Variants in PER3 observed in about 807,000 individuals in gnomAD.
PER3 encodes the protein period circadian protein homolog 3.
In PER3, 107 loss-of-function variants were observed where a neutral mutation model predicts 127.2. The ratio of observed to expected loss-of-function variants is 0.84; its 90% CI spans 0.72 to 0.99. The LOEUF (loss-of-function observed/expected upper bound fraction) is 0.99, where lower values mean the gene tolerates loss of function less well. Among genes scored for constraint, PER3 ranks in the 50% least tolerant of loss-of-function variants. The pLI, the probability that PER3 is intolerant of heterozygous loss-of-function variation, is 0.00. For synonymous variants in PER3, 618 were observed against 585.8 expected (o/e 1.05, Z -0.79); for missense variants, 1,560 against 1,525.8 (o/e 1.02, Z -0.37).
At chr1:7,828,724 TA>T (rs1259464353) in intron 18 of PER3, among the ~76,000 whole-genome samples, 1 of 152,198 alleles carries the variant, frequency 6.6e-6, no homozygotes, top group Non-Finnish European at 1.5e-5. Context: ...ACAAGTTATT[TA>T]ACCTTTCTTT....
intron 19 of PER3, among the ~76,000 whole-genome samples, chr1:7,834,233 A>T (rs2151244547): frequency 6.6e-6 from 1 of 151,458 alleles, no homozygotes; most frequent in Non-Finnish European, 1.5e-5. Flanking sequence ...TCTAGGTTGT[A>T]CAATGCACAT....
intron 6 of PER3, among the ~76,000 whole-genome samples, chr1:7,795,196 C>T (rs1003310573): frequency 7.2e-5 from 11 of 152,112 alleles, no homozygotes; most frequent in African/African-American, 2.7e-4. Flanking sequence ...TAGAACAGTT[C>T]CTGCCTCCTA....
chr1:7,796,901 A>G (rs1159622101), intron 6 of PER3, among the ~76,000 whole-genome samples: 3 of 152,188 alleles, frequency 2.0e-5, no homozygotes, highest in African/African-American at 7.2e-5. Context: ...AGTCAAGGAT[A>G]ATACCAGGAG....
intron 7 of PER3, among the ~76,000 whole-genome samples, chr1:7,799,906 C>T (rs1181403367): frequency 3.3e-5 from 5 of 151,778 alleles, no homozygotes; most frequent in Non-Finnish European, 4.4e-5. Context: ...GTAGTTAGGA[C>T]CACAGGCACG....
chr1:7,800,378 T>C (rs938113767), intron 7 of PER3, among the ~76,000 whole-genome samples: 1 of 151,718 alleles, frequency 6.6e-6, no homozygotes, highest in Non-Finnish European at 1.5e-5. Flanking sequence ...CTGCTAATTT[T>C]TGTATTTTTA....
intron 3 of PER3, 128 bp downstream of exon 3, chr1:7,785,714 G>GTT: frequency 1.4e-6 from 1 of 700,668 alleles, no homozygotes; most frequent in Non-Finnish European, 2.4e-6. Flanking sequence ...TGTGGAAGAT[G>GTT]AGCAAATCTA....
chr1:7,825,267 AT>A (rs1247027702), intron 16 of PER3, among the ~76,000 whole-genome samples: 1 of 152,036 alleles, frequency 6.6e-6, no homozygotes, highest in African/African-American at 2.4e-5. Context: ...GTTAGAAGTA[AT>A]TTTTTTAGAA....
intron 19 of PER3, among the ~76,000 whole-genome samples, 192 bp downstream of exon 19, chr1:7,830,353 CAAG>C (rs1471036449): frequency 6.6e-6 from 1 of 152,058 alleles, no homozygotes; most frequent in African/African-American, 2.4e-5. Context: ...GGGGTACAAA[CAAG>C]AATTCTGACA....
intron 10 of PER3, among the ~76,000 whole-genome samples, chr1:7,806,363 A>T (rs892863919): frequency 6.6e-6 from 1 of 152,174 alleles, no homozygotes; most frequent in African/African-American, 2.4e-5. Flanking sequence ...ACTGCAGCCA[A>T]GTTTTCTCTC....
chr1:7,812,528 G>A (rs2097223570), intron 13 of PER3, among the ~76,000 whole-genome samples: 1 of 150,082 alleles, frequency 6.7e-6, no homozygotes, highest in Admixed American at 6.8e-5. Flanking sequence ...GGGAGGCTGA[G>A]GCAGGAGAAT....
chr1:7,788,185 G>A lies in PER3; in HGVS notation c.531G>A (p.Arg177=). 1 of 1,614,066 alleles carries A rather than the reference G, an allele frequency of 6.2e-7. No individual in the cohort carries two copies. The highest frequency in any genetic ancestry group is 8.5e-7 in the Non-Finnish European group (1 of 1,179,974). The part of the protein sequence containing the change: ...FVDLLAPQDM[R]VFYAHTARAQ... ...ACCTGCTTGCACCTCAAGACATGAG[G>A]GTATTCTACGCGCACACTGCCAGAG... is the stretch of plus-strand genomic sequence containing the variant. Residue 177 remains arginine (R), a synonymous_variant, in exon 5 of 22, where the codon AGG becomes AGA. Transcript: ENST00000377532.
intron 21 of PER3, among the ~76,000 whole-genome samples, chr1:7,840,563 C>A (rs2097381263): frequency 6.6e-6 from 1 of 152,012 alleles, no homozygotes; most frequent in Admixed American, 6.6e-5. Flanking sequence ...AGCAGTCCAC[C>A]TGCCTCAGCC....
At chr1:7,785,119 T>A in intron 2 of PER3, 114 bp downstream of exon 2, 1 of 1,163,400 alleles carries the variant, frequency 8.6e-7, no homozygotes, top group Non-Finnish European at 1.2e-6. Context: ...GGGGAAAGTG[T>A]AAAGGGGAGA....
intron 20 of PER3, among the ~76,000 whole-genome samples, chr1:7,836,505 A>G (rs1336271101): frequency 6.6e-6 from 1 of 152,194 alleles, no homozygotes; most frequent in Non-Finnish European, 1.5e-5. Context: ...GTTTTTAAAG[A>G]CAAAATAATT....
intron 19 of PER3, among the ~76,000 whole-genome samples, chr1:7,831,682 C>T (rs997946278): frequency 6.6e-6 from 1 of 152,176 alleles, no homozygotes; most frequent in Non-Finnish European, 1.5e-5. Flanking sequence ...GTTTTCCTCC[C>T]TTATTCTATT....
intron 21 of PER3, 34 bp downstream of exon 21, chr1:7,837,183 TG>T: frequency 6.3e-7 from 1 of 1,587,726 alleles, no homozygotes; most frequent in Non-Finnish European, 8.6e-7. Context: ...CATATACTCA[TG>T]TATTTTGGCC....
intron 18 of PER3, among the ~76,000 whole-genome samples, chr1:7,828,845 G>A (rs1039532457): frequency 2.0e-5 from 3 of 152,242 alleles, no homozygotes; most frequent in Non-Finnish European, 4.4e-5. Context: ...GGTGCTCCTG[G>A]AGAGCTGGAA....
intron 10 of PER3, among the ~76,000 whole-genome samples, chr1:7,806,811 AAATAT>A (rs1470456594): frequency 1.3e-5 from 1 of 79,400 alleles, no homozygotes; most frequent in South Asian, 4.8e-4. Flanking sequence ...AAAAAAAAAA[AAATAT>A]ATATATATAT....
Position 7,784,937 on chromosome 1 carries a change from C to A in PER3, c.60C>A (p.Gly20=). The part of the protein sequence containing the change: ...GRRGAKDEAL[G]EESGERWSPE... Reference sequence around the variant, plus strand: ...GGGGGGCTAAGGACGAGGCCCTGGGCGAAGAATCGGGGGAGCGGTGGAGCC... The same window carrying A: ...GGGGGGCTAAGGACGAGGCCCTGGGAGAAGAATCGGGGGAGCGGTGGAGCC... Residue 20 remains glycine (G), a synonymous_variant, in exon 2 of 22, where the codon GGC becomes GGA. Coordinates refer to ENST00000377532, the MANE Select transcript of PER3 (RefSeq NM_001377275.1). The A allele has an allele frequency of 6.5e-7, 1 of 1,539,962 alleles. No individual in the cohort carries two copies.
Sources: gnomAD v4.1 joint callset for allele counts (sites outside exome capture counted in the v4.1 genomes callset) on GRCh38, gnomAD v4.1.1 for gene constraint, MANE v1.5 for transcripts, NCBI Gene and HGNC (gene_info 2026-07-23, HGNC 2026-07-21) for gene names.